Variants in RPS6KC1 observed in about 807,000 individuals in gnomAD.
RPS6KC1 encodes the protein ribosomal protein S6 kinase C1.
A neutral mutation model predicts 103.8 loss-of-function variants in RPS6KC1; 54 were observed. That is an observed-to-expected ratio of 0.52 (90% CI 0.42 to 0.65). The LOEUF is 0.65. Among genes scored for constraint, RPS6KC1 ranks in the 30% least tolerant of loss-of-function variants. RPS6KC1 has a pLI of 0.00. For synonymous variants in RPS6KC1, 439 were observed against 438.7 expected (o/e 1.00, Z -0.01); for missense variants, 1,151 against 1,253.8 (o/e 0.92, Z 1.24).
chr1:213,619,774 T>A, the RPS6KC1 span, among the ~76,000 whole-genome samples: 21 of 152,156 alleles, frequency 1.4e-4, no homozygotes, highest in Admixed American at 4.6e-4. Flanking sequence ...AATGTCCAGG[T>A]GAACCATATA....
chr1:213,399,452 A>G, the RPS6KC1 span, among the ~76,000 whole-genome samples: 1 of 152,170 alleles, frequency 6.6e-6, no homozygotes, highest in Non-Finnish European at 1.5e-5. Context: ...GAGTGAGTCC[A>G]GCAGTCTTTC....
the RPS6KC1 span, among the ~76,000 whole-genome samples, chr1:213,371,504 T>A: frequency 6.6e-6 from 1 of 152,188 alleles, no homozygotes; most frequent in Non-Finnish European, 1.5e-5. Flanking sequence ...TTGAATATTT[T>A]GAGAAATTGC....
In RPS6KC1 at chr1:213,240,823, T is replaced by G; in HGVS notation, c.1347T>G (p.Ser449Arg). 2 of 1,613,902 alleles carry G rather than the reference T, an allele frequency of 1.2e-6. No individual in the cohort carries two copies. The highest frequency in any genetic ancestry group is 1.7e-6 in the Non-Finnish European group (2 of 1,179,878). ...TTCACCTGCAGCAGCCAACTTCTAG[T>G]CCTCAGGACAGCAGTAGCTTTGAAT... ...AKVHLQQPTS[S>R]PQDSSSFESR... Residue 449 changes from serine (S) to arginine (R), a missense_variant, in exon 11 of 15, where the codon AGT (serine) becomes AGG (arginine). Transcript: ENST00000366960.
the RPS6KC1 span, among the ~76,000 whole-genome samples, chr1:213,707,880 T>C: frequency 1.3e-5 from 2 of 152,230 alleles, no homozygotes; most frequent in Non-Finnish European, 2.9e-5. Flanking sequence ...CTGAGGTCTC[T>C]GTTCTGCTCC....
At chr1:213,837,680 T>C in the RPS6KC1 span, among the ~76,000 whole-genome samples, 2 of 152,172 alleles carry the variant, frequency 1.3e-5, no homozygotes, top group Non-Finnish European at 2.9e-5. Flanking sequence ...TGTGTGTGTG[T>C]GCGTGTGTGT....
rs1189464009 is a variant in RPS6KC1, at chr1:213,216,550, C to G, written c.1045-13947C>G. Among the ~76,000 whole-genome samples, 7 of 152,198 alleles carry G rather than the reference C, an allele frequency of 4.6e-5. No homozygotes were observed. The East Asian group carries it at 1.3e-3, about 29-fold the overall frequency. ...TAGACATCTACAGAACTCTCCACCCCAAATCAACAGAATATACATTTTTTT... is the reference window on the plus strand; with the variant it reads ...TAGACATCTACAGAACTCTCCACCCGAAATCAACAGAATATACATTTTTTT... On this transcript the variant is annotated intron_variant, in intron 8 of 14. Coordinates refer to ENST00000366960, the MANE Select transcript of RPS6KC1 (RefSeq NM_012424.6).
the RPS6KC1 span, among the ~76,000 whole-genome samples, chr1:213,529,671 C>A: frequency 6.6e-6 from 1 of 152,184 alleles, no homozygotes; most frequent in East Asian, 1.9e-4. Flanking sequence ...TATTCTGGTT[C>A]ACCCAGCTAC....
the RPS6KC1 span, among the ~76,000 whole-genome samples, chr1:213,507,797 T>C: frequency 1.3e-5 from 2 of 152,222 alleles, no homozygotes; most frequent in Non-Finnish European, 2.9e-5. Context: ...TCTGAAACAA[T>C]GCCTTAAATT....
At chr1:213,459,958 C>T in the RPS6KC1 span, among the ~76,000 whole-genome samples, 1 of 151,234 alleles carries the variant, frequency 6.6e-6, no homozygotes, top group African/African-American at 2.4e-5. Context: ...GAGACTGTTA[C>T]AATTTTCATA....
the RPS6KC1 span, among the ~76,000 whole-genome samples, chr1:213,554,853 A>T: frequency 6.6e-6 from 1 of 152,192 alleles, no homozygotes; most frequent in Non-Finnish European, 1.5e-5. Flanking sequence ...CAAATTGTCC[A>T]TTATGCATTT....
chr1:213,311,141 AT>A, the RPS6KC1 span, among the ~76,000 whole-genome samples: 6,796 of 138,414 alleles, frequency 0.049, 193 homozygotes, highest in African/African-American at 0.095. Flanking sequence ...TAATTTAGGC[AT>A]TTTTTTTTTT....
chr1:213,674,859 G>C, the RPS6KC1 span, among the ~76,000 whole-genome samples: 1 of 152,114 alleles, frequency 6.6e-6, no homozygotes, highest in African/African-American at 2.4e-5. Context: ...GTATCTCATT[G>C]TGGTTCTGAT....
the RPS6KC1 span, among the ~76,000 whole-genome samples, chr1:213,554,423 C>G: frequency 6.6e-6 from 1 of 152,224 alleles, no homozygotes; most frequent in Non-Finnish European, 1.5e-5. Flanking sequence ...GTTACTATAG[C>G]CTTGTAGTAT....
chr1:213,472,904 T>C, the RPS6KC1 span, among the ~76,000 whole-genome samples: 1 of 152,232 alleles, frequency 6.6e-6, no homozygotes, highest in Non-Finnish European at 1.5e-5. Flanking sequence ...TGGCAATTTA[T>C]TTCTCAGAAT....
chr1:213,497,272 C>T, the RPS6KC1 span, among the ~76,000 whole-genome samples: 1 of 152,028 alleles, frequency 6.6e-6, no homozygotes, highest in African/African-American at 2.4e-5. Flanking sequence ...TCCATGCAAC[C>T]TATATGCCTC....
At chr1:213,417,832 G>T in the RPS6KC1 span, among the ~76,000 whole-genome samples, 2 of 152,162 alleles carry the variant, frequency 1.3e-5, no homozygotes, top group Non-Finnish European at 2.9e-5. Flanking sequence ...GGTCTTGGCT[G>T]TTTTATTAAC....
intron 14 of RPS6KC1, among the ~76,000 whole-genome samples, chr1:213,268,928 G>C (rs1404776246): frequency 1.3e-5 from 2 of 151,832 alleles, no homozygotes; most frequent in East Asian, 3.9e-4. Flanking sequence ...ACAAAAGAAG[G>C]CAGTAAAGGA....
the RPS6KC1 span, among the ~76,000 whole-genome samples, chr1:213,333,143 T>G: frequency 6.6e-6 from 1 of 152,260 alleles, no homozygotes; most frequent in African/African-American, 2.4e-5. Context: ...AGTTATGTAT[T>G]TAAGGATAAA....
At chr1:213,823,763 T>C in the RPS6KC1 span, among the ~76,000 whole-genome samples, 1 of 89,430 alleles carries the variant, frequency 1.1e-5, no homozygotes, top group African/African-American at 6.1e-5. Flanking sequence ...CCACACCACA[T>C]CAAACCAATA....
Sources: allele counts gnomAD v4.1 joint callset (sites outside exome capture counted in the v4.1 genomes callset), GRCh38; gene constraint gnomAD v4.1.1; transcripts MANE v1.5; gene names NCBI Gene and HGNC (gene_info 2026-07-23, HGNC 2026-07-21).